Variants in RMND5B observed in about 807,000 individuals in gnomAD.
The protein encoded by RMND5B is E3 ubiquitin-protein transferase RMND5B.
Under a neutral mutation model 50.4 loss-of-function variants are expected in RMND5B, and 42 were observed. The ratio of observed to expected loss-of-function variants is 0.83; its 90% confidence interval spans 0.65 to 1.08. The LOEUF is 1.08. RMND5B is among the 50% of genes least tolerant of loss of function. The pLI is 0.00. For missense variants in RMND5B, 463 were observed against 508.5 expected (o/e 0.91, Z 0.86); for synonymous variants, 220 against 210.0 (o/e 1.05, Z -0.41).
chr5:178,136,348 T>C (rs1005867538), intron 2 of RMND5B: 1 of 152,154 alleles, frequency 6.6e-6, no homozygotes, highest in African/African-American at 2.4e-5. Flanking sequence ...TAATAATAAT[T>C]ACGTCATTTC....
Position 178,142,742 on chromosome 5 carries a change from C to T in RMND5B, c.285+14C>T, listed in dbSNP as rs143300669. On this transcript the variant is annotated intron_variant, in intron 4 of 10. Coordinates refer to ENST00000313386, the MANE Select transcript of RMND5B (RefSeq NM_022762.5). Reference sequence around the variant, plus strand: ...GCCATTGACAGGGTGAGCACGTGGCCGGCTCCAGGCGTGGGGTGGGAGCAC... The same window carrying T: ...GCCATTGACAGGGTGAGCACGTGGCTGGCTCCAGGCGTGGGGTGGGAGCAC... 83 of 1,614,238 alleles carry T rather than the reference C, an allele frequency of 5.1e-5. 1 individual carries two copies. In the East Asian group the frequency reaches 1.5e-3, roughly 29 times the overall value.
At position 178,148,516 on chromosome 5, in the gene RMND5B, G is replaced by A. The variant is rs914992573; in HGVS notation, c.*484G>A. 5.2e-5 allele frequency: 9 copies of A among 172,936 alleles called. No individual in the cohort carries two copies. Among genetic ancestry groups the A allele is most frequent in the African/African-American group, 1.7e-4 (7 of 41,892 alleles). 10.7% of individuals were successfully genotyped at this position (172,936 alleles called of 1,614,324 possible). A position where few individuals can be genotyped will look rare whatever the true frequency, so the allele number is the denominator to read the frequency against. On this transcript the variant is annotated 3_prime_UTR_variant, in exon 11 of 11. Coordinates refer to ENST00000313386, the MANE Select transcript of RMND5B (RefSeq NM_022762.5). ...CACTGTAAATAGTCCCAGTTAGAAC[G>A]GAATGCCGTTGTTTTATAACTTTGA...
chr5:178,147,497 A>T (rs749527345), intron 8 of RMND5B, 36 bp from the exon 9 acceptor site: 3 of 1,584,102 alleles, frequency 1.9e-6, no homozygotes, highest in Non-Finnish European at 2.6e-6. Flanking sequence ...GTCTGCTGTG[A>T]TCTGAGCCAC....
In RMND5B at chr5:178,148,629, G is replaced by A. The variant is rs1756174900; in HGVS notation, c.*597G>A. On this transcript the variant is annotated 3_prime_UTR_variant, in exon 11 of 11. Transcript: ENST00000313386. ...TGACCACATGTCTACCACACACAGG[G>A]ACTGGGCACGGCCTGGTGGCTGCCG... 1 of 154,308 alleles carries A rather than the reference G, an allele frequency of 6.5e-6. No homozygotes were observed. The highest frequency in any genetic ancestry group is 6.4e-5 in the Admixed American group (1 of 15,590). The allele number at this position is 154,308 out of a possible 1,614,324, so 9.6% of individuals were successfully genotyped here. A position where few individuals can be genotyped will look rare whatever the true frequency, so the allele number is the denominator to read the frequency against.
rs187011048 is a variant in RMND5B at position 178,147,951 on chromosome 5, G to T, written c.1119-18G>T. On this transcript the variant is annotated intron_variant, in intron 10 of 10. Coordinates refer to ENST00000313386, the MANE Select transcript of RMND5B (RefSeq NM_022762.5). ...ACTGGCCACCCCTGAGACGTTCTCGGTTCTCCTCCCTTTGCAGGCTGAAGT... is the reference window on the plus strand; with the variant it reads ...ACTGGCCACCCCTGAGACGTTCTCGTTTCTCCTCCCTTTGCAGGCTGAAGT... The T allele has an allele frequency of 7.7e-5, 124 of 1,614,170 alleles. No homozygotes were observed. In the African/African-American group the frequency reaches 1.5e-3, roughly 20 times the overall value.
Position 178,146,290 on chromosome 5 carries a change from G to T in RMND5B, c.860+11G>T, listed in dbSNP as rs1334647346. On this transcript the variant is annotated intron_variant, in intron 8 of 10. Transcript: ENST00000313386. ...CCCCCTTAGCGTCAGGTACAACCCA[G>T]CCCTGTGAGGGCAGCACAGGTGGGA... 6.2e-7 allele frequency: 1 copy of T among 1,612,660 alleles called. No individual in the cohort carries two copies. Among genetic ancestry groups the T allele is most frequent in the South Asian group, 1.1e-5 (1 of 91,016 alleles).
intron 2 of RMND5B, among the ~76,000 whole-genome samples, chr5:178,135,798 G>A (rs181666202): frequency 6.6e-6 from 1 of 152,124 alleles, no homozygotes; most frequent in Non-Finnish European, 1.5e-5. Flanking sequence ...TGACAGGGCC[G>A]GATTGTTTGA....
In RMND5B at chr5:178,149,820, C is replaced by G. The variant is rs750874926; in HGVS notation, c.*1788C>G. ...ATCACACAGGTGGGGCGCTTGGAGC[C>G]TGCGGCTGCACCCAGGTCCTACAGA... On this transcript the variant is annotated 3_prime_UTR_variant, in exon 11 of 11. Coordinates refer to ENST00000313386, the MANE Select transcript of RMND5B (RefSeq NM_022762.5). 1 of 1,613,774 alleles carries G rather than the reference C, an allele frequency of 6.2e-7. No individual in the cohort carries two copies.
intron 7 of RMND5B, among the ~76,000 whole-genome samples, chr5:178,145,574 A>T (rs7716860): frequency 0.78 from 117,396 of 151,478 alleles, 45,590 homozygotes; most frequent in Middle Eastern, 0.84. Flanking sequence ...GGCTAACTTT[A>T]TATATTTTTT....
chr5:178,146,180 A>G lies in RMND5B; in HGVS notation c.761A>G (p.His254Arg). The G allele has an allele frequency of 6.2e-6, 10 of 1,614,084 alleles. No individual in the cohort carries two copies. Among genetic ancestry groups the G allele is most frequent in the Non-Finnish European group, 8.5e-6 (10 of 1,180,010 alleles). The change falls in exon 8 of 11, where the codon CAC becomes CGC. Residue 254 changes from histidine to arginine, a missense_variant. Physicochemically the swap from His to Arg is conservative, Grantham distance 29. Coordinates refer to ENST00000313386, the MANE Select transcript of RMND5B (RefSeq NM_022762.5). The part of the protein sequence containing the change: ...RLGLEKSPYC[H>R]LLDSSHWAEI... ...GGCTTGGAGAAGTCACCCTACTGCC[A>G]CCTGCTGGACAGCAGCCACTGGGCA...
At chr5:178,143,818 C>T (rs1311891204) in intron 6 of RMND5B, 91 bp downstream of exon 6, 11 of 1,453,676 alleles carry the variant, frequency 7.6e-6, no homozygotes, top group Non-Finnish European at 1.1e-5. Context: ...CCCAGATGTA[C>T]TTGACTTGCC....
At chr5:178,143,534 G>C (rs973714067) in intron 5 of RMND5B, 93 bp from the exon 6 acceptor site, 5 of 1,002,820 alleles carry the variant, frequency 5.0e-6, no homozygotes, top group Non-Finnish European at 7.8e-6. Context: ...TCTCTGGCCT[G>C]TCTTTGGCGG....
At position 178,142,543 on chromosome 5, in the gene RMND5B, A is replaced by T. The variant is rs376334847; in HGVS notation, c.140-40A>T. 43 of 1,575,594 alleles carry T rather than the reference A, an allele frequency of 2.7e-5. No homozygotes were observed. The African/African-American group carries it at 5.7e-4, about 21-fold the overall frequency. ...GGTCTGCTGCCAAGGCAGGTGCCCCAGTCTGCCTCCTCTGTGTCCTTATTC... is the reference window on the plus strand; with the variant it reads ...GGTCTGCTGCCAAGGCAGGTGCCCCTGTCTGCCTCCTCTGTGTCCTTATTC... On this transcript the variant is annotated intron_variant, in intron 3 of 10. Coordinates refer to ENST00000313386, the MANE Select transcript of RMND5B (RefSeq NM_022762.5).
rs745760228 is a variant in RMND5B at position 178,147,521 on chromosome 5, C to T, written c.861-12C>T. 3.7e-5 allele frequency: 59 copies of T among 1,611,990 alleles called. No homozygotes were observed. The highest frequency in any genetic ancestry group is 4.8e-5 in the Non-Finnish European group (56 of 1,178,784). On this transcript the variant is annotated splice_polypyrimidine_tract_variant and intron_variant, in intron 8 of 10. Transcript: ENST00000313386. ...GATCTGAGCCACTCTAGCCCCTGTT[C>T]CTTGTCTGCAGCTTTGCCTCTGGCT...
At chr5:178,133,889 T>A (rs1436578582) in intron 2 of RMND5B, among the ~76,000 whole-genome samples, 1 of 151,988 alleles carries the variant, frequency 6.6e-6, no homozygotes, top group East Asian at 1.9e-4. Context: ...TTTTTTGTAT[T>A]TTTTTAGTAG....
At chr5:178,139,363 C>T (rs541151508) in intron 3 of RMND5B, among the ~76,000 whole-genome samples, 38 of 151,794 alleles carry the variant, frequency 2.5e-4, no homozygotes, top group African/African-American at 9.2e-4. Context: ...ATGCCACCAC[C>T]TGCAGCTAAT....
At chr5:178,132,126 A>T (rs1304335135) in intron 2 of RMND5B, among the ~76,000 whole-genome samples, 7 of 152,072 alleles carry the variant, frequency 4.6e-5, no homozygotes, top group African/African-American at 1.4e-4. Context: ...CAACCTGGCC[A>T]ACATGGTGAA....
rs1561639708 is a variant in RMND5B, at chr5:178,146,223, T to TA, written c.805dup (p.Thr269AsnfsTer17). The TA allele has an allele frequency of 1.2e-6, 2 of 1,614,214 alleles. No individual in the cohort carries two copies. Among genetic ancestry groups the TA allele is most frequent in the Non-Finnish European group, 1.7e-6 (2 of 1,180,014 alleles). On this transcript the variant is annotated frameshift_variant, in exon 8 of 11. Transcript: ENST00000313386. LOFTEE classifies it high-confidence loss of function. ...ACTGGGCAGAGATCTGTGAGACCTT[T>TA]ACCCGGGACGCCTGTTCCCTGCTGG...
At chr5:178,145,052 T>A (rs763836203) in intron 7 of RMND5B, among the ~76,000 whole-genome samples, 32 of 152,194 alleles carry the variant, frequency 2.1e-4, no homozygotes, top group Non-Finnish European at 4.4e-4. Flanking sequence ...CCATGATTTA[T>A]TATTTATTTT....
Sources: gnomAD v4.1 joint callset for allele counts (sites outside exome capture counted in the v4.1 genomes callset) on GRCh38, gnomAD v4.1.1 for gene constraint, MANE v1.5 for transcripts, NCBI Gene and HGNC (gene_info 2026-07-23, HGNC 2026-07-21) for gene names.